CENPF: variants seen among roughly 807,000 people sequenced by gnomAD.
The protein encoded by CENPF is AH antigen.
Under a neutral mutation model 307.3 loss-of-function variants are expected in CENPF, and 214 were observed. The ratio of observed to expected loss-of-function variants is 0.70; its 90% CI spans 0.62 to 0.78. The LOEUF (loss-of-function observed/expected upper bound fraction) is 0.78, where lower values mean the gene tolerates loss of function less well. Ranked by LOEUF, CENPF falls within the 30% of genes least tolerant of loss-of-function variation. CENPF has a pLI of 0.00. For synonymous variants in CENPF, 1,259 were observed against 1,270.6 expected, an observed-to-expected ratio of 0.99 and a Z score of 0.19; for missense variants, 3,401 against 3,483.9, an observed-to-expected ratio of 0.98 and a Z score of 0.60.
rs1371067614 is a variant in CENPF, at chr1:214,656,932, G to A, written c.8486-1G>A. 5 of 1,587,132 alleles carry A rather than the reference G, an allele frequency of 3.2e-6. No individual in the cohort carries two copies. In the Admixed American group the frequency reaches 8.8e-5, roughly 28 times the overall value. On this transcript the variant is annotated splice_acceptor_variant, in intron 17 of 19. Transcript: ENST00000366955. LOFTEE classifies it high-confidence loss of function. ...ATGATGTGTTGCTTTACTTTGGACA[G>A]GTACTGTTATGGATACCAAGGTCGA... is the stretch of plus-strand genomic sequence containing the variant.
intron 1 of CENPF, chr1:214,608,895 C>G: frequency 7.5e-7 from 1 of 1,333,326 alleles, no homozygotes; most frequent in Non-Finnish European, 9.6e-7. Flanking sequence ...CAACGCCGCC[C>G]GGCCTGGCCC....
In CENPF at chr1:214,613,846, A is replaced by G. The variant is rs754853353; in HGVS notation, c.92A>G (p.Lys31Arg). The G allele has an allele frequency of 8.7e-6, 14 of 1,614,024 alleles. No homozygotes were observed. In the East Asian group the frequency reaches 3.1e-4, roughly 36 times the overall value. Residue 31 changes from lysine (K) to arginine (R), a missense_variant, in exon 2 of 20, where the codon AAG (lysine) becomes AGG (arginine). Coordinates refer to ENST00000366955, the MANE Select transcript of CENPF (RefSeq NM_016343.4). Reference protein sequence around the residue: ...QELEGQLDKLKKEKQQRQFQL... With the variant: ...QELEGQLDKLRKEKQQRQFQL... ...CTTGAAGGACAGCTTGACAAACTGA[A>G]GAAGGAAAAGCAGCAAAGGCAGTTT...
chr1:214,660,655 A>G (rs1261147029), intron 19 of CENPF, among the ~76,000 whole-genome samples: 1 of 152,184 alleles, frequency 6.6e-6, no homozygotes, highest in African/African-American at 2.4e-5. Context: ...ACCCTTTCCC[A>G]AACCTCAGTA....
rs1160048628 is a variant in CENPF, at chr1:214,640,771, G to A, written c.2433G>A (p.Arg811=). 2 of 1,613,268 alleles carry A rather than the reference G, an allele frequency of 1.2e-6. No individual in the cohort carries two copies. The highest frequency in any genetic ancestry group is 8.5e-7 in the Non-Finnish European group (1 of 1,179,824). Residue 811 remains arginine, a synonymous_variant, in exon 12 of 20, where the codon AGG becomes AGA. Transcript: ENST00000366955. ...IGEQGSMPSE[R]SECRLEADQS... is the part of the protein sequence containing the mutation. ...AACAAGGAAGCATGCCTTCAGAGAG[G>A]AGTGAATGTCGTTTAGAAGCAGACC...
Position 214,629,070 on chromosome 1 carries a change from A to G in CENPF, c.1093A>G (p.Lys365Glu), listed in dbSNP as rs1175881166. 2 of 1,610,246 alleles carry G rather than the reference A, an allele frequency of 1.2e-6. No individual in the cohort carries two copies. The highest frequency in any genetic ancestry group is 1.7e-5 in the Admixed American group (1 of 59,410). The change falls in exon 8 of 20, where the codon AAA becomes GAA. Residue 365 changes from lysine (K) to glutamate (E), a missense_variant. Lys to Glu is a moderately conservative substitution (Grantham distance 56). Transcript: ENST00000366955. ...GTATACTGCATTGGAACAAAAACTGAAAAAATTGACGGAAGATTTGAGTTG... is the reference window on the plus strand; with the variant it reads ...GTATACTGCATTGGAACAAAAACTGGAAAAATTGACGGAAGATTTGAGTTG... ...TKYTALEQKLKKLTEDLSCQR... is the reference protein window; with the variant it reads ...TKYTALEQKLEKLTEDLSCQR...
Position 214,620,936 on chromosome 1 carries a change from G to T in CENPF, c.855G>T (p.Ala285=), listed in dbSNP as rs114104425. 2.5e-6 allele frequency: 4 copies of T among 1,605,832 alleles called. No homozygotes were observed. The highest frequency in any genetic ancestry group is 2.6e-6 in the Non-Finnish European group (3 of 1,176,172). The change falls in exon 6 of 20, where the codon GCG becomes GCT. Residue 285 remains alanine, a synonymous_variant. Coordinates refer to ENST00000366955, the MANE Select transcript of CENPF (RefSeq NM_016343.4). ...CTCATCTTTTGGATCAATTAAAAGC[G>T]CAGAATCAAGGTAACATTGAGCTAA... ...SSPHLLDQLK[A]QNQELRNKIN... is the part of the protein sequence containing the mutation.
At chr1:214,656,905 A>G in intron 17 of CENPF, 28 bp from the exon 18 acceptor site, 4 of 1,425,586 alleles carry the variant, frequency 2.8e-6, no homozygotes, top group Non-Finnish European at 3.8e-6. Flanking sequence ...ATCAAGTTGC[A>G]CATGATGTGT....
At chr1:214,648,090 A>C in intron 13 of CENPF, 2 of 382,648 alleles carry the variant, frequency 5.2e-6, no homozygotes, top group South Asian at 3.8e-5. Context: ...TTCTTGCTGA[A>C]CAAATATTAA....
At chr1:214,621,919 A>G (rs1657516248) in intron 6 of CENPF, among the ~76,000 whole-genome samples, 160 bp from the exon 7 acceptor site, 1 of 152,148 alleles carries the variant, frequency 6.6e-6, no homozygotes, top group Admixed American at 6.5e-5. Flanking sequence ...GACAATAGAA[A>G]CTAACTATTG....
At chr1:214,663,498 C>A in intron 19 of CENPF, 93 bp from the exon 20 acceptor site, 1 of 1,244,692 alleles carries the variant, frequency 8.0e-7, no homozygotes, top group Non-Finnish European at 1.1e-6. Context: ...AGAAGAAGAA[C>A]TTAATTTAAA....
At chr1:214,618,490 T>C in intron 3 of CENPF, 83 bp from the exon 4 acceptor site, 1 of 1,477,264 alleles carries the variant, frequency 6.8e-7, no homozygotes, top group South Asian at 1.3e-5. Context: ...GTAAGTTTAT[T>C]ACTCTCTGGG....
At chr1:214,648,870 A>T (rs780431189) in intron 14 of CENPF, 43 bp downstream of exon 14, 2 of 1,584,488 alleles carry the variant, frequency 1.3e-6, no homozygotes, top group East Asian at 4.5e-5. Flanking sequence ...CTGTTAATTC[A>T]TTGTGCACAC....
chr1:214,627,304 C>G (rs1657682024), intron 7 of CENPF, among the ~76,000 whole-genome samples: 1 of 151,864 alleles, frequency 6.6e-6, no homozygotes, highest in African/African-American at 2.4e-5. Context: ...AGCAGTTTGC[C>G]CCCCTCAGTC....
intron 1 of CENPF, among the ~76,000 whole-genome samples, chr1:214,605,049 G>T (rs1342404797): frequency 6.6e-6 from 1 of 151,816 alleles, no homozygotes; most frequent in Non-Finnish European, 1.5e-5. Context: ...ACTTTATTTA[G>T]TAAAAAAACA....
chr1:214,635,363 G>A (rs1657929414), intron 10 of CENPF, among the ~76,000 whole-genome samples: 1 of 152,216 alleles, frequency 6.6e-6, no homozygotes, highest in African/African-American at 2.4e-5. Context: ...TGCTCCTAAA[G>A]CGAAGTTGAT....
chr1:214,641,948 G>C lies in CENPF; in HGVS notation c.3610G>C (p.Asp1204His). 6.3e-7 allele frequency: 1 copy of C among 1,591,176 alleles called. No homozygotes were observed. The highest frequency in any genetic ancestry group is 8.5e-7 in the Non-Finnish European group (1 of 1,173,508). ...MDLEVKEISLDSYNAQLVQLE... is the reference protein window; with the variant it reads ...MDLEVKEISLHSYNAQLVQLE... Reference sequence around the variant, plus strand: ...TCTTGAAGTTAAAGAAATTTCTCTAGATAGTTATAATGCGCAGTTGGTGCA... The same window carrying C: ...TCTTGAAGTTAAAGAAATTTCTCTACATAGTTATAATGCGCAGTTGGTGCA... The change falls in exon 12 of 20, where the codon GAT becomes CAT. Residue 1204 changes from aspartate (D) to histidine (H), a missense_variant. Physicochemically the swap from Asp to His is moderately conservative, Grantham distance 81. Coordinates refer to ENST00000366955, the MANE Select transcript of CENPF (RefSeq NM_016343.4).
At chr1:214,617,447 T>G (rs1657391880) in intron 3 of CENPF, among the ~76,000 whole-genome samples, 2 of 152,210 alleles carry the variant, frequency 1.3e-5, no homozygotes, top group South Asian at 2.1e-4. Flanking sequence ...TTTTTTATGT[T>G]AAACTGAAGT....
In CENPF at chr1:214,620,930, A is replaced by T; in HGVS notation, c.849A>T (p.Leu283Phe). The T allele has an allele frequency of 1.2e-6, 2 of 1,608,230 alleles. No homozygotes were observed. Among genetic ancestry groups the T allele is most frequent in the Non-Finnish European group, 1.7e-6 (2 of 1,177,376 alleles). ...NSSSPHLLDQLKAQNQELRNK... is the reference protein window; with the variant it reads ...NSSSPHLLDQFKAQNQELRNK... Reference sequence around the variant, plus strand: ...GCAGTCCTCATCTTTTGGATCAATTAAAAGCGCAGAATCAAGGTAACATTG... The same window carrying T: ...GCAGTCCTCATCTTTTGGATCAATTTAAAGCGCAGAATCAAGGTAACATTG... Residue 283 changes from leucine (L) to phenylalanine (F), a missense_variant, in exon 6 of 20, where the codon TTA (leucine) becomes TTT (phenylalanine). Physicochemically the swap from Leu to Phe is conservative, Grantham distance 22. Transcript: ENST00000366955.
intron 16 of CENPF, chr1:214,653,531 G>A (rs140544176): frequency 1.3e-5 from 2 of 154,236 alleles, no homozygotes; most frequent in African/African-American, 4.8e-5. Context: ...GTCTCAAGAT[G>A]GTACCACTGT....
Sources: allele counts gnomAD v4.1 joint callset (sites outside exome capture counted in the v4.1 genomes callset), GRCh38; gene constraint gnomAD v4.1.1; transcripts MANE v1.5; gene names NCBI Gene and HGNC (gene_info 2026-07-23, HGNC 2026-07-21).